The following SPAST variants were observed in gnomAD, a reference collection of about 807,000 sequenced individuals.
SPAST encodes the protein spastic paraplegia 4 (autosomal dominant; spastin).
SPAST carries 30 observed loss-of-function variants against 76.6 expected under a neutral mutation model. The ratio of observed to expected loss-of-function variants is 0.39; its 90% confidence interval spans 0.29 to 0.53. The LOEUF (loss-of-function observed/expected upper bound fraction) is 0.53, where lower values mean the gene tolerates loss of function less well. Ranked by LOEUF, SPAST falls within the 20% of genes least tolerant of loss-of-function variation. SPAST has a pLI of 0.68. For missense variants in SPAST, 717 were observed against 770.5 expected (o/e 0.93, Z 0.82); for synonymous variants, 305 against 281.0 (o/e 1.09, Z -0.86).
intron 1 of SPAST, among the ~76,000 whole-genome samples, chr2:32,076,102 TG>T (rs922626652): frequency 1.3e-5 from 2 of 151,602 alleles, no homozygotes; most frequent in Admixed American, 1.3e-4. Context: ...GGTTTTGTCA[TG>T]TTGTCCAGGC....
Position 32,156,735 on chromosome 2 carries a change from T to C in SPAST, c.*2239T>C, listed in dbSNP as rs1453269292. The C allele has an allele frequency of 6.6e-6, 1 of 152,228 alleles. No homozygotes were observed. The highest frequency in any genetic ancestry group is 1.5e-5 in the Non-Finnish European group (1 of 68,032). 9.4% of individuals were successfully genotyped at this position (152,228 alleles called of 1,614,324 possible). A position where few individuals can be genotyped will look rare whatever the true frequency, so the allele number is the denominator to read the frequency against. ...TGTGGTTCCAGCTCAACTTTTAATA[T>C]ATTGTCTCCTTTAAAACTATCATGG... On this transcript the variant is annotated 3_prime_UTR_variant, in exon 17 of 17. Transcript: ENST00000315285.
intron 4 of SPAST, among the ~76,000 whole-genome samples, chr2:32,110,574 T>C (rs1393805865): frequency 7.9e-6 from 1 of 127,370 alleles, no homozygotes; most frequent in African/African-American, 3.1e-5. Flanking sequence ...ATATATAGTA[T>C]ATATATAGTG....
chr2:32,150,757 A>G (rs1680057341), intron 16 of SPAST, among the ~76,000 whole-genome samples: 1 of 152,124 alleles, frequency 6.6e-6, no homozygotes, highest in Admixed American at 6.5e-5. Context: ...ACACCTAAAA[A>G]TATAATTTTA....
chr2:32,114,577 G>A, intron 4 of SPAST, 61 bp from the exon 5 acceptor site: 1 of 1,300,284 alleles, frequency 7.7e-7, no homozygotes, highest in Non-Finnish European at 1.1e-6. Flanking sequence ...ACAAATGTTT[G>A]CTTGTCTTTA....
intron 4 of SPAST, among the ~76,000 whole-genome samples, chr2:32,101,863 T>C (rs1223097704): frequency 6.6e-6 from 1 of 152,214 alleles, no homozygotes; most frequent in East Asian, 1.9e-4. Flanking sequence ...TACCATGCTG[T>C]TTTGATTACT....
rs1573120116 is a variant in SPAST at position 32,115,590 on chromosome 2, A to G, written c.871-112A>G. On this transcript the variant is annotated intron_variant, in intron 5 of 16. Transcript: ENST00000315285. Reference sequence around the variant, plus strand: ...AAATATACAATTTATGGATTTTTATACCCTTTTTCCTATTTTTAAAGCTTG... The same window carrying G: ...AAATATACAATTTATGGATTTTTATGCCCTTTTTCCTATTTTTAAAGCTTG... The G allele has an allele frequency of 1.8e-5, 14 of 761,080 alleles. No individual in the cohort carries two copies. In the East Asian group the frequency reaches 3.4e-4, roughly 19 times the overall value. 47.1% of individuals were successfully genotyped at this position (761,080 alleles called of 1,614,324 possible). A position where few individuals can be genotyped will look rare whatever the true frequency, so the allele number is the denominator to read the frequency against.
intron 1 of SPAST, among the ~76,000 whole-genome samples, chr2:32,080,265 A>T (rs1036645755): frequency 6.6e-6 from 1 of 152,002 alleles, no homozygotes; most frequent in East Asian, 1.9e-4. Context: ...CCATTTTTTA[A>T]TTGGGTTGTT....
intron 1 of SPAST, among the ~76,000 whole-genome samples, chr2:32,076,044 G>T (rs1676952065): frequency 6.6e-6 from 1 of 151,554 alleles, no homozygotes; most frequent in Admixed American, 6.6e-5. Context: ...GAGATTACAG[G>T]TACGCGCCAC....
intron 4 of SPAST, among the ~76,000 whole-genome samples, chr2:32,100,272 A>AT (rs2148718888): frequency 1.4e-5 from 2 of 138,290 alleles, no homozygotes; most frequent in East Asian, 4.3e-4. Context: ...GATGTTGAGC[A>AT]TTTTTTCATA....
intron 12 of SPAST, among the ~76,000 whole-genome samples, chr2:32,141,609 T>C (rs1219041093): frequency 1.3e-5 from 2 of 152,272 alleles, no homozygotes; most frequent in African/African-American, 4.8e-5. Context: ...GATTTTAGTT[T>C]TTTTCAGATT....
rs1296662552 is a variant in SPAST at position 32,075,894 on chromosome 2, CTCTTTTTTTTT to C, written c.416-11596_416-11586del. On this transcript the variant is annotated intron_variant, in intron 1 of 16. Transcript: ENST00000315285. ...TTTTTTTAATGAAAAATTCAAAATG[CTCTTTTTTTTT>C]TTTTTTTTTTTTTGAGACAGAGTCT... 4.0e-3 allele frequency among the ~76,000 whole-genome samples: 351 copies of C among 87,192 alleles called. 5 individuals carry two copies. Among genetic ancestry groups the C allele is most frequent in the Middle Eastern group, 0.015 (1 of 68 alleles). 57.2% of individuals were successfully genotyped at this position (87,192 alleles called of 152,430 possible).
At chr2:32,069,721 T>C (rs1465651840) in intron 1 of SPAST, among the ~76,000 whole-genome samples, 1 of 151,900 alleles carries the variant, frequency 6.6e-6, no homozygotes, top group Non-Finnish European at 1.5e-5. Context: ...CACACCTGGC[T>C]AATTTTTTTT....
intron 4 of SPAST, among the ~76,000 whole-genome samples, chr2:32,100,219 A>G (rs1678069116): frequency 6.6e-6 from 1 of 151,564 alleles, no homozygotes; most frequent in Non-Finnish European, 1.5e-5. Flanking sequence ...CTGGGGTAAG[A>G]TACCTTGTTG....
chr2:32,110,549 T>C (rs1263640656), intron 4 of SPAST, among the ~76,000 whole-genome samples: 4 of 132,104 alleles, frequency 3.0e-5, no homozygotes, highest in Non-Finnish European at 6.2e-5. Flanking sequence ...AGTATATATA[T>C]ACTATATAGT....
At chr2:32,149,256 A>ATTTTTTTTTTTTTTTTTTTTTTTT (rs59020104) in intron 16 of SPAST, among the ~76,000 whole-genome samples, 1 of 123,604 alleles carries the variant, frequency 8.1e-6, no homozygotes, top group Non-Finnish European at 1.6e-5. Flanking sequence ...CGCCCAGCTA[A>ATTTTTTTTTTTTTTTTTTTTTTTT]TTTTTTTTTT....
At chr2:32,152,615 C>T (rs1013719690) in intron 16 of SPAST, among the ~76,000 whole-genome samples, 1 of 152,114 alleles carries the variant, frequency 6.6e-6, no homozygotes, top group East Asian at 1.9e-4. Context: ...ATGTTTAATA[C>T]CCATGTTACA....
chr2:32,110,735 A>C (rs2148728482), intron 4 of SPAST, among the ~76,000 whole-genome samples: 1 of 134,318 alleles, frequency 7.4e-6, no homozygotes, highest in African/African-American at 2.7e-5. Context: ...CATATAGTAC[A>C]CTGTATAGTA....
chr2:32,083,897 G>C (rs1677366412), intron 1 of SPAST, among the ~76,000 whole-genome samples: 1 of 149,302 alleles, frequency 6.7e-6, no homozygotes, highest in Admixed American at 6.8e-5. Flanking sequence ...TCCTGCCTCA[G>C]CTTCCTGAGT....
chr2:32,090,023 C>T (rs900880964), intron 3 of SPAST, among the ~76,000 whole-genome samples: 3 of 152,208 alleles, frequency 2.0e-5, no homozygotes, highest in African/African-American at 7.2e-5. Flanking sequence ...CTCGGCCTCC[C>T]GAAGTGCTGG....
Sources: gnomAD v4.1 joint callset for allele counts (sites outside exome capture counted in the v4.1 genomes callset) on GRCh38, gnomAD v4.1.1 for gene constraint, MANE v1.5 for transcripts, NCBI Gene and HGNC (gene_info 2026-07-23, HGNC 2026-07-21) for gene names.